The following RBFOX1 variants were observed in gnomAD, a reference collection of about 807,000 sequenced individuals.
RBFOX1 encodes the protein RNA binding protein fox-1 homolog 1.
A neutral mutation model predicts 57.7 loss-of-function variants in RBFOX1; 8 were observed. The ratio of observed to expected loss-of-function variants is 0.14; its 90% CI spans 0.08 to 0.25. The LOEUF (loss-of-function observed/expected upper bound fraction) is 0.25, where lower values mean the gene tolerates loss of function less well. Among genes scored for constraint, RBFOX1 ranks in the 10% least tolerant of loss-of-function variants. The probability of loss-of-function intolerance (pLI) is 1.00; values close to 1 mark genes in which losing one functional copy is unlikely to be tolerated. For missense variants in RBFOX1, 611 were observed against 548.5 expected, an observed-to-expected ratio of 1.11 and a Z score of -1.14; for synonymous variants, 326 against 222.4, an observed-to-expected ratio of 1.47 and a Z score of -4.15.
chr16:5,606,233 A>G (rs1247984484), intron 3 of RBFOX1, among the ~76,000 whole-genome samples: 1 of 150,650 alleles, frequency 6.6e-6, no homozygotes, highest in Non-Finnish European at 1.5e-5. Flanking sequence ...CTTATCTGCT[A>G]CTCTCCTCCC....
At chr16:7,103,353 G>T (rs959932806) in intron 4 of RBFOX1, among the ~76,000 whole-genome samples, 1 of 152,220 alleles carries the variant, frequency 6.6e-6, no homozygotes, top group East Asian at 1.9e-4. Context: ...GGCAGGCATC[G>T]TTCCTGATGC....
intron 4 of RBFOX1, among the ~76,000 whole-genome samples, chr16:7,475,659 C>T (rs1317848157): frequency 6.6e-6 from 1 of 152,092 alleles, no homozygotes; most frequent in African/African-American, 2.4e-5. Context: ...ATGTTTCTGG[C>T]ATCCAAGCTC....
chr16:6,760,396 A>G (rs2076436976), intron 3 of RBFOX1, among the ~76,000 whole-genome samples: 2 of 152,194 alleles, frequency 1.3e-5, no homozygotes, highest in Non-Finnish European at 2.9e-5. Context: ...CATCTTAACT[A>G]TCTTTTAACT....
At chr16:5,358,226 C>T (rs376716536) in intron 1 of RBFOX1, among the ~76,000 whole-genome samples, 4 of 151,992 alleles carry the variant, frequency 2.6e-5, no homozygotes, top group Admixed American at 6.6e-5. Context: ...TAGGCCTTCT[C>T]CCTGTGTGAG....
rs72636211 is a variant in RBFOX1 at position 6,711,597 on chromosome 16, C to A, written c.-16+56947C>A. Among the ~76,000 whole-genome samples, 605 of 152,302 alleles carry A rather than the reference C, an allele frequency of 4.0e-3. 20 individuals are homozygous for A. In the East Asian group the frequency reaches 0.059, roughly 15 times the overall value. On this transcript the variant is annotated intron_variant, in intron 3 of 15. Coordinates refer to ENST00000550418, the MANE Select transcript of RBFOX1 (RefSeq NM_018723.4). ...CTCTCCTGACACCATGTAAGACATG[C>A]CTTACTTCCCCTTCGCCTTCCACCA...
intron 4 of RBFOX1, among the ~76,000 whole-genome samples, chr16:7,098,003 G>T (rs540984673): frequency 3.2e-4 from 49 of 152,180 alleles, no homozygotes; most frequent in South Asian, 6.2e-4. Flanking sequence ...ATCTTCGAGG[G>T]CATTTGACTT....
Position 6,248,641 on chromosome 16 carries a change from G to T in RBFOX1, c.-126-68354G>T, listed in dbSNP as rs559193272. Among the ~76,000 whole-genome samples, 26 of 152,150 alleles carry T rather than the reference G, an allele frequency of 1.7e-4. 1 individual carries two copies. Among genetic ancestry groups the T allele is most frequent in the Admixed American group, 1.1e-3 (17 of 15,272 alleles). ...TTTATTCACATTTTAATACACTTTG[G>T]GGGGAGGTATTTTAATTTTAAAAAG... On this transcript the variant is annotated intron_variant, in intron 1 of 15. Coordinates refer to ENST00000550418, the MANE Select transcript of RBFOX1 (RefSeq NM_018723.4).
intron 4 of RBFOX1, among the ~76,000 whole-genome samples, chr16:7,064,143 T>C (rs1269248302): frequency 6.7e-6 from 1 of 148,574 alleles, no homozygotes; most frequent in Non-Finnish European, 1.5e-5. Context: ...TGGGCCCTAA[T>C]CCAGTATGAC....
chr16:6,772,529 G>C (rs988639437), intron 3 of RBFOX1, among the ~76,000 whole-genome samples: 2 of 151,062 alleles, frequency 1.3e-5, no homozygotes, highest in East Asian at 2.0e-4. Context: ...GGTGGGTATG[G>C]GGCGCATTTG....
At chr16:6,333,336 C>A (rs984056381) in intron 2 of RBFOX1, among the ~76,000 whole-genome samples, 2 of 152,198 alleles carry the variant, frequency 1.3e-5, no homozygotes, top group African/African-American at 4.8e-5. Context: ...TGAGCCACTG[C>A]GCCCAGCCAG....
rs368304904 is a variant in RBFOX1, at chr16:7,712,983, AGAGT to A, written c.*2248_*2251del. 54 of 152,378 alleles carry A rather than the reference AGAGT, an allele frequency of 3.5e-4. 1 individual carries two copies. The highest frequency in any genetic ancestry group is 1.1e-3 in the African/African-American group (45 of 41,582). The allele number at this position is 152,378 out of a possible 1,614,324, so 9.4% of individuals were successfully genotyped here. The stretch of plus-strand genomic sequence containing the variant: ...GTATGTAGTTTTAATAAAATCATTT[AGAGT>A]GAGTGAGTGCCAACCGATGTTGCAG... On this transcript the variant is annotated 3_prime_UTR_variant, in exon 16 of 16. Coordinates refer to ENST00000550418, the MANE Select transcript of RBFOX1 (RefSeq NM_018723.4).
intron 1 of RBFOX1, among the ~76,000 whole-genome samples, chr16:5,282,652 T>A (rs576963453): frequency 6.6e-6 from 1 of 152,292 alleles, no homozygotes; most frequent in East Asian, 1.9e-4. Context: ...TTTGTGGAAT[T>A]TTGAACTTGA....
chr16:6,114,346 A>G (rs2096476861), intron 1 of RBFOX1, among the ~76,000 whole-genome samples: 1 of 152,238 alleles, frequency 6.6e-6, no homozygotes, highest in South Asian at 2.1e-4. Context: ...GCAATTAAGA[A>G]TAATATCTCA....
intron 3 of RBFOX1, among the ~76,000 whole-genome samples, chr16:7,006,143 AATTTATTTATTT>A: frequency 6.6e-6 from 1 of 151,820 alleles, no homozygotes. Flanking sequence ...AATGTCATTA[AATTTATTTATTT>A]ATTTATTTTT....
intron 3 of RBFOX1, among the ~76,000 whole-genome samples, chr16:7,034,039 C>A (rs1044685031): frequency 6.6e-6 from 1 of 152,110 alleles, no homozygotes; most frequent in Non-Finnish European, 1.5e-5. Context: ...CTCTCCATTG[C>A]GGAGATGAGG....
At chr16:7,047,732 T>C (rs1191257152) in intron 3 of RBFOX1, among the ~76,000 whole-genome samples, 1 of 145,586 alleles carries the variant, frequency 6.9e-6, no homozygotes, top group Non-Finnish European at 1.5e-5. Flanking sequence ...TTTTTTTTTT[T>C]TTTTTTTTTT....
rs529706045 is a variant in RBFOX1, at chr16:7,591,700, C to T, written c.469-3849C>T. ...CTCCCCTTCTCTGTACCCCTTCTTG[C>T]GGTCTTGATTTTTTAAGCAGTTACA... On this transcript the variant is annotated intron_variant, in intron 7 of 15. Transcript: ENST00000550418. Among the ~76,000 whole-genome samples, 228 of 152,208 alleles carry T rather than the reference C, an allele frequency of 1.5e-3. 8 individuals carry two copies. In the South Asian group the frequency reaches 0.047, roughly 31 times the overall value.
chr16:7,017,018 G>C (rs1210411706), intron 3 of RBFOX1, among the ~76,000 whole-genome samples: 1 of 152,076 alleles, frequency 6.6e-6, no homozygotes, highest in Non-Finnish European at 1.5e-5. Flanking sequence ...TTTCTTTCAT[G>C]ACTTTTGGCT....
Position 7,174,358 on chromosome 16 carries a change from T to C in RBFOX1, c.27+122260T>C, listed in dbSNP as rs572390405. On this transcript the variant is annotated intron_variant, in intron 4 of 15. Transcript: ENST00000550418. ...GTGGATTGTTTCCAGATTTTAACTA[T>C]TATGTAGAATGTTACTATGAACACT... 2.0e-5 allele frequency among the ~76,000 whole-genome samples: 3 copies of C among 152,334 alleles called. No individual in the cohort carries two copies. The South Asian group carries it at 6.2e-4, about 32-fold the overall frequency.
Sources: gnomAD v4.1 joint callset for allele counts (sites outside exome capture counted in the v4.1 genomes callset) on GRCh38, gnomAD v4.1.1 for gene constraint, MANE v1.5 for transcripts, NCBI Gene and HGNC (gene_info 2026-07-23, HGNC 2026-07-21) for gene names.